The following TMED3 variants were observed in gnomAD, a reference collection of about 807,000 sequenced individuals.
TMED3 encodes transmembrane p24 trafficking protein 3.
Under a neutral mutation model 15.0 loss-of-function variants are expected in TMED3, and 9 were observed. The observed-to-expected ratio is 0.60, with a 90% confidence interval of 0.36 to 1.04. TMED3 has a LOEUF of 1.04. TMED3 is among the 50% of genes least tolerant of loss of function. TMED3 has a pLI of 0.01. For synonymous variants in TMED3, 117 were observed against 121.4 expected, an observed-to-expected ratio of 0.96 and a Z score of 0.24; for missense variants, 267 against 278.9, an observed-to-expected ratio of 0.96 and a Z score of 0.30.
intron 2 of TMED3, among the ~76,000 whole-genome samples, chr15:79,360,101 T>C (rs1335436490): frequency 6.6e-6 from 1 of 152,196 alleles, no homozygotes; most frequent in East Asian, 1.9e-4. Flanking sequence ...TCTGGGGCCA[T>C]GGACAGGCAC....
intron 2 of TMED3, among the ~76,000 whole-genome samples, chr15:79,363,788 G>A (rs1385234503): frequency 1.3e-5 from 2 of 152,092 alleles, no homozygotes; most frequent in Non-Finnish European, 2.9e-5. Flanking sequence ...CCGAACTTGG[G>A]TCCACCCACC....
intron 2 of TMED3, among the ~76,000 whole-genome samples, chr15:79,402,097 A>G (rs1310976490): frequency 6.6e-6 from 1 of 152,142 alleles, no homozygotes; most frequent in African/African-American, 2.4e-5. Flanking sequence ...AGGGAAAGGG[A>G]GCGTGCAGGG....
intron 2 of TMED3, among the ~76,000 whole-genome samples, chr15:79,369,603 AC>A (rs2141244574): frequency 6.6e-6 from 1 of 152,352 alleles, no homozygotes; most frequent in Non-Finnish European, 1.5e-5. Flanking sequence ...CATTTCAGTT[AC>A]AATATTAGCC....
chr15:79,371,165 A>C (rs113113743), intron 2 of TMED3, among the ~76,000 whole-genome samples: 3,399 of 152,298 alleles, frequency 0.022, 105 homozygotes, highest in East Asian at 0.11. Flanking sequence ...CCAAATACAC[A>C]AAGATGTGTA....
At chr15:79,399,571 T>C (rs1315766235) in intron 2 of TMED3, among the ~76,000 whole-genome samples, 1 of 152,112 alleles carries the variant, frequency 6.6e-6, no homozygotes, top group Non-Finnish European at 1.5e-5. Flanking sequence ...TCAGGAGCCA[T>C]GTGTGGAAGC....
intron 2 of TMED3, among the ~76,000 whole-genome samples, chr15:79,348,774 A>C (rs1025536399): frequency 3.9e-5 from 6 of 152,188 alleles, no homozygotes; most frequent in South Asian, 2.1e-4. Context: ...TTACATTCCC[A>C]ACAACAGGGT....
At chr15:79,361,421 AT>A (rs1893126743) in intron 2 of TMED3, among the ~76,000 whole-genome samples, 3 of 152,216 alleles carry the variant, frequency 2.0e-5, no homozygotes, top group African/African-American at 4.8e-5. Flanking sequence ...ATAAAAAGGG[AT>A]GAATTAATGG....
chr15:79,403,556 C>T (rs1893862899), intron 2 of TMED3, among the ~76,000 whole-genome samples: 1 of 152,178 alleles, frequency 6.6e-6, no homozygotes. Context: ...GTATATACTC[C>T]TTTCAGACCT....
intron 2 of TMED3, among the ~76,000 whole-genome samples, chr15:79,321,575 T>A (rs2058766967): frequency 6.6e-6 from 1 of 152,244 alleles, no homozygotes; most frequent in South Asian, 2.1e-4. Context: ...TTATTAGTTG[T>A]ATGACTTTGG....
intron 2 of TMED3, among the ~76,000 whole-genome samples, chr15:79,318,078 C>CA (rs2058748822): frequency 6.6e-6 from 1 of 152,162 alleles, no homozygotes; most frequent in Non-Finnish European, 1.5e-5. Context: ...AGGCCCTGTA[C>CA]AGTTCTTTGC....
chr15:79,334,432 T>C (rs1215506450), intron 2 of TMED3, among the ~76,000 whole-genome samples: 1 of 152,128 alleles, frequency 6.6e-6, no homozygotes, highest in Non-Finnish European at 1.5e-5. Flanking sequence ...CTTTTCCTCA[T>C]TTCAGAGTGG....
At chr15:79,366,897 C>CA (rs1234457038) in intron 2 of TMED3, among the ~76,000 whole-genome samples, 5 of 138,694 alleles carry the variant, frequency 3.6e-5, no homozygotes, top group Non-Finnish European at 7.9e-5. Context: ...CTTTAAGGTG[C>CA]ATTTTTTTTT....
chr15:79,318,482 G>C (rs563679572), intron 2 of TMED3, among the ~76,000 whole-genome samples: 9 of 152,298 alleles, frequency 5.9e-5, no homozygotes, highest in Non-Finnish European at 1.2e-4. Flanking sequence ...TGTCTATCCT[G>C]AGTCCCCCAG....
intron 2 of TMED3, among the ~76,000 whole-genome samples, chr15:79,410,532 G>A (rs1258609999): frequency 6.6e-6 from 1 of 152,270 alleles, no homozygotes; most frequent in East Asian, 1.9e-4. Flanking sequence ...ATGAAAATTG[G>A]TTTAGGTAAT....
intron 2 of TMED3, among the ~76,000 whole-genome samples, chr15:79,352,227 C>T (rs531042602): frequency 6.6e-6 from 1 of 152,216 alleles, no homozygotes; most frequent in African/African-American, 2.4e-5. Flanking sequence ...AAAAGAAACA[C>T]CCACCTCTTT....
At chr15:79,377,167 C>T (rs778261115) in intron 2 of TMED3, among the ~76,000 whole-genome samples, 6 of 152,130 alleles carry the variant, frequency 3.9e-5, no homozygotes, top group African/African-American at 9.7e-5. Context: ...TTCTTGCTCA[C>T]GTGGGCCTAT....
chr15:79,382,888 C>A, intron 2 of TMED3: 1 of 1,348,162 alleles, frequency 7.4e-7, no homozygotes, highest in Non-Finnish European at 1.0e-6. Context: ...TACTATTGTT[C>A]TTACCAACAC....
At chr15:79,376,608 T>C (rs1257800402) in intron 2 of TMED3, among the ~76,000 whole-genome samples, 5 of 152,140 alleles carry the variant, frequency 3.3e-5, no homozygotes, top group Non-Finnish European at 7.4e-5. Context: ...CTAGCTCAGA[T>C]AGATGAAAAA....
At chr15:79,333,380 C>T (rs1314805261) in intron 2 of TMED3, among the ~76,000 whole-genome samples, 1 of 152,216 alleles carries the variant, frequency 6.6e-6, no homozygotes, top group East Asian at 1.9e-4. Flanking sequence ...CACCACCAAA[C>T]TGCAAACTGG....
Sources: allele counts gnomAD v4.1 joint callset (sites outside exome capture counted in the v4.1 genomes callset), GRCh38; gene constraint gnomAD v4.1.1; transcripts MANE v1.5; gene names NCBI Gene and HGNC (gene_info 2026-07-23, HGNC 2026-07-21).